The following KRAS variants were observed in gnomAD, a reference collection of about 807,000 sequenced individuals.
KRAS encodes the protein GTPase KRas.
KRAS carries 1 observed loss-of-function variant against 21.0 expected under a neutral mutation model. The observed-to-expected ratio is 0.05, with a 90% CI of 0.02 to 0.23. The LOEUF (loss-of-function observed/expected upper bound fraction) is 0.23. KRAS is among the 10% of genes least tolerant of loss of function. KRAS has a pLI of 1.00. For synonymous variants in KRAS, 67 were observed against 72.5 expected, an observed-to-expected ratio of 0.92 and a Z score of 0.39; for missense variants, 107 against 221.8, an observed-to-expected ratio of 0.48 and a Z score of 3.29.
At chr12:25,211,678 T>C (rs1951201642) in intron 4 of KRAS, among the ~76,000 whole-genome samples, 1 of 152,144 alleles carries the variant, frequency 6.6e-6, no homozygotes, top group Non-Finnish European at 1.5e-5. Context: ...ACAATGAAAA[T>C]TAGCTACAGT....
chr12:25,236,522 GC>G (rs1363810588), intron 2 of KRAS, among the ~76,000 whole-genome samples: 3 of 151,624 alleles, frequency 2.0e-5, no homozygotes, highest in African/African-American at 7.3e-5. Flanking sequence ...GTGTTTTTTT[GC>G]CTTTCAGTCT....
intron 4 of KRAS, among the ~76,000 whole-genome samples, chr12:25,214,020 A>C (rs1951227507): frequency 6.6e-6 from 1 of 152,230 alleles, no homozygotes; most frequent in African/African-American, 2.4e-5. Flanking sequence ...AGAAGAGGTT[A>C]GTTATTTCAA....
intron 1 of KRAS, among the ~76,000 whole-genome samples, chr12:25,246,053 TG>T (rs1951675630): frequency 1.3e-5 from 2 of 148,662 alleles, no homozygotes; most frequent in Admixed American, 1.4e-4. Flanking sequence ...TTTTAATGTG[TG>T]AAATATCTCT....
chr12:25,217,648 T>G (rs1951270871), intron 4 of KRAS, among the ~76,000 whole-genome samples: 1 of 152,198 alleles, frequency 6.6e-6, no homozygotes, highest in Non-Finnish European at 1.5e-5. Context: ...TAAAAGATTT[T>G]AAGTGTCAGG....
intron 4 of KRAS, chr12:25,215,497 T>C: frequency 1.2e-6 from 2 of 1,612,126 alleles, no homozygotes; most frequent in Non-Finnish European, 1.7e-6. Flanking sequence ...TCTTCTTTGC[T>C]GATTTTTTTC....
At chr12:25,222,202 T>TA (rs1245533996) in intron 4 of KRAS, among the ~76,000 whole-genome samples, 1 of 150,668 alleles carries the variant, frequency 6.6e-6, no homozygotes, top group African/African-American at 2.4e-5. Context: ...AATAAATAAA[T>TA]AAGCTGAATA....
rs558090520 is a variant in KRAS, at chr12:25,231,346, G to A, written c.112-3934C>T. On this transcript the variant is annotated intron_variant, in intron 2 of 4. Transcript: ENST00000311936. Reference sequence around the variant, plus strand: ...AGGTGATCCGCCTCGGCCTCCCAAAGTGCTGGGATTACAGGCGTCAACCAT... The same window carrying A: ...AGGTGATCCGCCTCGGCCTCCCAAAATGCTGGGATTACAGGCGTCAACCAT... Among the ~76,000 whole-genome samples the A allele has an allele frequency of 1.4e-4, 22 of 152,054 alleles. 1 individual carries two copies. The highest frequency in any genetic ancestry group is 4.8e-4 in the African/African-American group (20 of 41,486).
In KRAS at chr12:25,226,427, C is replaced by A. The variant is rs931401731; in HGVS notation, c.291-654G>T. Among the ~76,000 whole-genome samples, 3 of 152,098 alleles carry A rather than the reference C, an allele frequency of 2.0e-5. No homozygotes were observed. The East Asian group carries it at 5.8e-4, about 29-fold the overall frequency. The stretch of plus-strand genomic sequence containing the variant: ...CAGAGTCAGAATTGGCTCAAATTCC[C>A]GGTTCCGAACACCATTAGCTGGGTA... On this transcript the variant is annotated intron_variant, in intron 3 of 4. Transcript: ENST00000311936.
chr12:25,237,872 TCTC>T (rs552068868), intron 2 of KRAS, among the ~76,000 whole-genome samples: 4 of 152,314 alleles, frequency 2.6e-5, no homozygotes, highest in Admixed American at 2.6e-4. Flanking sequence ...AACAGTATCT[TCTC>T]CTTACAAAAT....
chr12:25,249,591 CAAAA>C lies in KRAS; in HGVS notation c.-12+1156_-12+1159del, dbSNP rs71065929. Among the ~76,000 whole-genome samples, 7 of 60,830 alleles carry C rather than the reference CAAAA, an allele frequency of 1.2e-4. 1 individual carries two copies. The Admixed American group carries it at 1.5e-3, about 13-fold the overall frequency. 39.9% of individuals were successfully genotyped at this position (60,830 alleles called of 152,430 possible). On this transcript the variant is annotated intron_variant, in intron 1 of 4. Coordinates refer to ENST00000311936, the MANE Select transcript of KRAS (RefSeq NM_004985.5). ...TGGGCAACAGAGCGAGACTGTGTCT[CAAAA>C]AAAAAAAAAAAAAGGAGATGCACAT...
intron 2 of KRAS, among the ~76,000 whole-genome samples, chr12:25,241,748 G>A (rs1339149419): frequency 6.6e-6 from 1 of 152,152 alleles, no homozygotes; most frequent in Admixed American, 6.5e-5. Flanking sequence ...TAAAGTAATA[G>A]CATCTACTCA....
chr12:25,221,735 C>T (rs144471310), intron 4 of KRAS, among the ~76,000 whole-genome samples: 3 of 152,174 alleles, frequency 2.0e-5, no homozygotes, highest in East Asian at 3.9e-4. Context: ...TTCCTTTAAC[C>T]GGAATATAAT....
At chr12:25,246,333 G>A (rs950037603) in intron 1 of KRAS, among the ~76,000 whole-genome samples, 16 of 152,104 alleles carry the variant, frequency 1.1e-4, no homozygotes, top group Non-Finnish European at 2.4e-4. Flanking sequence ...CAAGGCGGGT[G>A]GATCACCTGA....
chr12:25,226,096 T>TA (rs1269514154), intron 3 of KRAS, among the ~76,000 whole-genome samples: 1 of 152,154 alleles, frequency 6.6e-6, no homozygotes, highest in Non-Finnish European at 1.5e-5. Context: ...TAACAGACTA[T>TA]AATTTTAGAA....
At position 25,206,365 on chromosome 12, in the gene KRAS, G is replaced by C. The variant is rs928510784; in HGVS notation, c.*3430C>G. The stretch of plus-strand genomic sequence containing the variant: ...TATATTCTTCCACAAACATGTTAAT[G>C]CCTAAGTCTATGTAATTTAGCTTTT... On this transcript the variant is annotated 3_prime_UTR_variant, in exon 5 of 5. Coordinates refer to ENST00000311936, the MANE Select transcript of KRAS (RefSeq NM_004985.5). The C allele has an allele frequency of 4.8e-6, 1 of 206,662 alleles. No individual in the cohort carries two copies. Among genetic ancestry groups the C allele is most frequent in the African/African-American group, 2.3e-5 (1 of 43,942 alleles). The allele number at this position is 206,662 out of a possible 1,614,324, so 12.8% of individuals were successfully genotyped here.
Position 25,241,646 on chromosome 12 carries a change from T to TG in KRAS, c.111+3627dup, listed in dbSNP as rs533278264. On this transcript the variant is annotated intron_variant, in intron 2 of 4. Transcript: ENST00000311936. ...TTTGGATCTTAACACCATTGAGGTT[T>TG]GGGGTCAGATAACCCTGTTGTGGGG... Among the ~76,000 whole-genome samples the TG allele has an allele frequency of 4.3e-3, 660 of 152,310 alleles. 3 individuals carry two copies. The highest frequency in any genetic ancestry group is 0.015 in the African/African-American group (620 of 41,572).
chr12:25,227,422 G>A lies in KRAS; in HGVS notation c.112-10C>T, dbSNP rs760989619. The A allele has an allele frequency of 1.0e-4, 167 of 1,613,082 alleles. No individual in the cohort carries two copies. The highest frequency in any genetic ancestry group is 1.4e-4 in the Non-Finnish European group (165 of 1,179,448). On this transcript the variant is annotated splice_polypyrimidine_tract_variant and intron_variant, in intron 2 of 4. Transcript: ENST00000311936. ...GCTTCCTGTAGGAATCCTGAGAAGG[G>A]AGAAACACAGTCTGGATTATTACAG... is the stretch of plus-strand genomic sequence containing the variant.
chr12:25,222,776 G>A (rs1951343490), intron 4 of KRAS, among the ~76,000 whole-genome samples: 1 of 152,130 alleles, frequency 6.6e-6, no homozygotes, highest in Admixed American at 6.5e-5. Context: ...AAATATGAAT[G>A]CTGTGTTATA....
chr12:25,232,969 GT>G (rs1051334713), intron 2 of KRAS, among the ~76,000 whole-genome samples: 2 of 151,872 alleles, frequency 1.3e-5, no homozygotes, highest in Non-Finnish European at 1.5e-5. Context: ...AAAATATGTG[GT>G]TTTTTTTTAA....
Sources: allele counts gnomAD v4.1 joint callset (sites outside exome capture counted in the v4.1 genomes callset), GRCh38; gene constraint gnomAD v4.1.1; transcripts MANE v1.5; gene names NCBI Gene and HGNC (gene_info 2026-07-23, HGNC 2026-07-21).